KCNQ3: variants seen among roughly 807,000 people sequenced by gnomAD.
KCNQ3 encodes the protein potassium voltage-gated channel subfamily KQT member 3.
In KCNQ3, 30 loss-of-function variants were observed where a neutral mutation model predicts 92.5. That is an observed-to-expected ratio of 0.32 (90% confidence interval 0.24 to 0.44). KCNQ3 has a LOEUF of 0.44. Among genes scored for constraint, KCNQ3 ranks in the 20% least tolerant of loss-of-function variants. The probability of loss-of-function intolerance (pLI) is 1.00; values close to 1 mark genes in which losing one functional copy is unlikely to be tolerated. For missense variants in KCNQ3, 913 were observed against 1,140.3 expected (o/e 0.80, Z 2.87); for synonymous variants, 450 against 468.8 (o/e 0.96, Z 0.52).
At chr8:132,175,360 T>G in intron 5 of KCNQ3, 93 bp downstream of exon 5, 1 of 1,409,684 alleles carries the variant, frequency 7.1e-7, no homozygotes, top group East Asian at 2.3e-5. Flanking sequence ...AGAATGCAGC[T>G]GCCTGGCTGA....
intron 9 of KCNQ3, among the ~76,000 whole-genome samples, chr8:132,155,300 T>C (rs1036427153): frequency 6.6e-6 from 1 of 152,008 alleles, no homozygotes; most frequent in Non-Finnish European, 1.5e-5. Context: ...AGGCAGAGGA[T>C]AGAATGAAGA....
rs1825239092 is a variant in KCNQ3 at position 132,140,165 on chromosome 8, A to T, written c.1479T>A (p.Gly493=). The part of the protein sequence containing the change: ...FWQSSEDAGT[G]DPMAEDRGYG... ...AGCCCCTGTCTTCCGCCATGGGGTCACCTGTCCCGGCATCTGGGAGGGAGA... is the reference window on the plus strand; with the variant it reads ...AGCCCCTGTCTTCCGCCATGGGGTCTCCTGTCCCGGCATCTGGGAGGGAGA... The change falls in exon 11 of 15, where the codon GGT becomes GGA. Residue 493 remains glycine (G), a synonymous_variant. Coordinates refer to ENST00000388996, the MANE Select transcript of KCNQ3 (RefSeq NM_004519.4). 1 of 1,613,246 alleles carries T rather than the reference A, an allele frequency of 6.2e-7. No individual in the cohort carries two copies. Among genetic ancestry groups the T allele is most frequent in the East Asian group, 2.2e-5 (1 of 44,866 alleles).
At chr8:132,436,246 A>C (rs1821391954) in intron 1 of KCNQ3, among the ~76,000 whole-genome samples, 1 of 152,230 alleles carries the variant, frequency 6.6e-6, no homozygotes, top group South Asian at 2.1e-4. Context: ...AATGAACCTT[A>C]ATTTTCACAT....
At chr8:132,244,097 A>C (rs963288587) in intron 1 of KCNQ3, among the ~76,000 whole-genome samples, 1 of 152,156 alleles carries the variant, frequency 6.6e-6, no homozygotes, top group African/African-American at 2.4e-5. Context: ...CACCCCCTGG[A>C]ATCTCAGAAC....
At chr8:132,383,588 A>G (rs1586973776) in intron 1 of KCNQ3, among the ~76,000 whole-genome samples, 1 of 152,216 alleles carries the variant, frequency 6.6e-6, no homozygotes, top group South Asian at 2.1e-4. Context: ...CCCCAGCGCC[A>G]TATAACATCA....
chr8:132,186,946 G>GAGAGAGAC (rs1826982248), intron 1 of KCNQ3, among the ~76,000 whole-genome samples: 1 of 117,604 alleles, frequency 8.5e-6, no homozygotes, highest in Admixed American at 8.0e-5. Flanking sequence ...GAGAGAGAGA[G>GAGAGAGAC]AGAGAGAGAC....
chr8:132,339,801 C>G (rs1404296372), intron 1 of KCNQ3, among the ~76,000 whole-genome samples: 1 of 152,098 alleles, frequency 6.6e-6, no homozygotes, highest in African/African-American at 2.4e-5. Context: ...TTCCCCCATT[C>G]CCCAAAGCCT....
intron 1 of KCNQ3, among the ~76,000 whole-genome samples, chr8:132,211,854 G>C (rs967385928): frequency 4.0e-5 from 6 of 151,046 alleles, no homozygotes; most frequent in African/African-American, 1.5e-4. Context: ...TTGGGAGGCT[G>C]AGGCAGGAGA....
At position 132,403,016 on chromosome 8, in the gene KCNQ3, C is replaced by CAAA. The variant is rs375099145; in HGVS notation, c.386+77128_386+77130dup. On this transcript the variant is annotated intron_variant, in intron 1 of 14. Coordinates refer to ENST00000388996, the MANE Select transcript of KCNQ3 (RefSeq NM_004519.4). ...CTGGCAACAGGGCGAGGCACCATCA[C>CAAA]AAAAAAAAAAAAAAAAGTGTCAATA... Among the ~76,000 whole-genome samples, 264 of 67,620 alleles carry CAAA rather than the reference C, an allele frequency of 3.9e-3. 41 individuals are homozygous for CAAA. Among genetic ancestry groups the CAAA allele is most frequent in the Middle Eastern group, 0.013 (1 of 78 alleles). The allele number at this position is 67,620 out of a possible 152,430, so 44.4% of individuals were successfully genotyped here.
chr8:132,381,969 G>A (rs1478249286), intron 1 of KCNQ3, among the ~76,000 whole-genome samples: 1 of 152,216 alleles, frequency 6.6e-6, no homozygotes, highest in Non-Finnish European at 1.5e-5. Flanking sequence ...CTCACCAGGA[G>A]CCTGGAGGCC....
intron 6 of KCNQ3, among the ~76,000 whole-genome samples, chr8:132,173,265 T>A (rs781168991): frequency 2.4e-4 from 36 of 152,312 alleles, no homozygotes; most frequent in South Asian, 6.2e-4. Flanking sequence ...AACTTGAAGA[T>A]CTTGCAACAT....
intron 1 of KCNQ3, among the ~76,000 whole-genome samples, chr8:132,332,309 A>C (rs1818254329): frequency 6.6e-6 from 1 of 152,160 alleles, no homozygotes; most frequent in Admixed American, 6.5e-5. Context: ...AGCTCCGGAG[A>C]AACACATAAG....
chr8:132,405,760 A>G (rs1351944612), intron 1 of KCNQ3, among the ~76,000 whole-genome samples: 1 of 152,246 alleles, frequency 6.6e-6, no homozygotes. Flanking sequence ...TTCATGCAGT[A>G]AACACTGCAG....
chr8:132,154,201 T>TG (rs1825731150), intron 9 of KCNQ3, among the ~76,000 whole-genome samples: 1 of 124,854 alleles, frequency 8.0e-6, no homozygotes, highest in African/African-American at 3.4e-5. Context: ...AAGTTTTTTT[T>TG]TTTTTTTTTT....
At chr8:132,189,242 G>C (rs1827084228) in intron 1 of KCNQ3, among the ~76,000 whole-genome samples, 3 of 152,122 alleles carry the variant, frequency 2.0e-5, no homozygotes, top group African/African-American at 4.8e-5. Flanking sequence ...CTTGCCTCCA[G>C]AGCCTTCCCT....
intron 1 of KCNQ3, among the ~76,000 whole-genome samples, chr8:132,321,263 G>A (rs1449432336): frequency 3.9e-5 from 6 of 152,112 alleles, no homozygotes; most frequent in Non-Finnish European, 8.8e-5. Flanking sequence ...TTCTTGCCAG[G>A]TTCTTAGTGC....
At chr8:132,403,260 T>A (rs975111810) in intron 1 of KCNQ3, among the ~76,000 whole-genome samples, 4 of 148,540 alleles carry the variant, frequency 2.7e-5, no homozygotes, top group Non-Finnish European at 4.5e-5. Context: ...AAAAGAGCCA[T>A]GACCTTGGGC....
At position 132,129,518 on chromosome 8, in the gene KCNQ3, G is replaced by A. The variant is rs760350027; in HGVS notation, c.2363C>T (p.Thr788Ile). 1.2e-6 allele frequency: 2 copies of A among 1,614,216 alleles called. No homozygotes were observed. The highest frequency in any genetic ancestry group is 1.7e-6 in the Non-Finnish European group (2 of 1,180,040). ...QRRSITRDSD[T>I]PLSLMSVNHE... ...GTTGACCGACATCAGGGACAGAGGTGTGTCACTGTCTCGCGTGATGCTACG... is the reference window on the plus strand; with the variant it reads ...GTTGACCGACATCAGGGACAGAGGTATGTCACTGTCTCGCGTGATGCTACG... Residue 788 changes from threonine (T) to isoleucine (I), a missense_variant, in exon 15 of 15, where the codon ACA (threonine) becomes ATA (isoleucine). Transcript: ENST00000388996. This position sits in a 1 kb window ranked among gnomAD's most constrained non-coding sequence, Gnocchi z 5.9.
intron 1 of KCNQ3, among the ~76,000 whole-genome samples, chr8:132,429,615 C>G (rs1019273984): frequency 1.5e-4 from 23 of 152,064 alleles, no homozygotes; most frequent in Non-Finnish European, 2.9e-4. Context: ...AATCCCAGCA[C>G]GTTGGGAAGC....
Sources: gnomAD v4.1 joint callset for allele counts (sites outside exome capture counted in the v4.1 genomes callset) on GRCh38, gnomAD v4.1.1 for gene constraint, Gnocchi (gnomAD v3.1) non-coding constraint, MANE v1.5 for transcripts, NCBI Gene and HGNC (gene_info 2026-07-23, HGNC 2026-07-21) for gene names.